TENM1: variants seen among roughly 807,000 people sequenced by gnomAD.
The protein encoded by TENM1 is teneurin-1.
Under a neutral mutation model 174.8 loss-of-function variants are expected in TENM1, and 35 were observed. That is an observed-to-expected ratio of 0.20 (90% CI 0.15 to 0.27). The LOEUF is 0.27. Ranked by LOEUF, TENM1 falls within the 10% of genes least tolerant of loss-of-function variation. TENM1 has a pLI of 1.00. For missense variants in TENM1, 1,633 were observed against 2,130.1 expected, an observed-to-expected ratio of 0.77 and a Z score of 4.59; for synonymous variants, 781 against 798.7, an observed-to-expected ratio of 0.98 and a Z score of 0.37.
rs1043071821 is a variant in TENM1, at chrX:124,423,963, T to C, written c.4105-1325A>G. Among the ~76,000 whole-genome samples the C allele has an allele frequency of 4.5e-5, 5 of 111,224 alleles. 1 individual carries two copies. Among genetic ancestry groups the C allele is most frequent in the Non-Finnish European group, 9.4e-5 (5 of 52,989 alleles). ...TCTAATCCAACAGGACTGATGTCTCTCCAATAAGAGGAAGAGATACCAGGA... is the reference window on the plus strand; with the variant it reads ...TCTAATCCAACAGGACTGATGTCTCCCCAATAAGAGGAAGAGATACCAGGA... On this transcript the variant is annotated intron_variant, in intron 23 of 31. Transcript: ENST00000422452.
chrX:124,892,432 C>A (rs1024096370), intron 3 of TENM1, among the ~76,000 whole-genome samples: 1 of 111,048 alleles, frequency 9.0e-6, no homozygotes, highest in South Asian at 3.8e-4. Flanking sequence ...TAAGGGCAAC[C>A]AAACAGAGTT....
the TENM1 span, among the ~76,000 whole-genome samples, chrX:125,103,305 C>A: frequency 3.5e-3 from 386 of 110,904 alleles, 2 homozygotes; most frequent in Non-Finnish European, 5.9e-3. Context: ...ATTAATTTGT[C>A]TTCAATATTA....
At chrX:124,902,390 C>A (rs1044433654) in intron 1 of TENM1, among the ~76,000 whole-genome samples, 2 of 112,156 alleles carry the variant, frequency 1.8e-5, no homozygotes, top group African/African-American at 6.5e-5. Context: ...GAATCTACAA[C>A]TTAAAATGTA....
intron 11 of TENM1, among the ~76,000 whole-genome samples, chrX:124,577,717 A>AC (rs2049202283): frequency 9.0e-6 from 1 of 111,650 alleles, no homozygotes; most frequent in Admixed American, 9.5e-5. Context: ...TAGTGAGGTT[A>AC]CAATGTACTG....
chrX:124,445,196 T>C (rs1033062083), intron 23 of TENM1, among the ~76,000 whole-genome samples: 1 of 111,677 alleles, frequency 9.0e-6, no homozygotes, highest in East Asian at 2.8e-4. Flanking sequence ...CAAGAAAGCC[T>C]GAACAGTTGC....
At chrX:125,174,580 C>T in the TENM1 span, among the ~76,000 whole-genome samples, 1 of 111,150 alleles carries the variant, frequency 9.0e-6, no homozygotes, top group Admixed American at 9.6e-5. Flanking sequence ...ATATATCTAC[C>T]AGACTCATGT....
At chrX:124,538,893 A>G (rs1320623374) in intron 15 of TENM1, among the ~76,000 whole-genome samples, 1 of 111,480 alleles carries the variant, frequency 9.0e-6, no homozygotes, top group Non-Finnish European at 1.9e-5. Flanking sequence ...TGGTTTCTCA[A>G]TATTTGATTT....
the TENM1 span, among the ~76,000 whole-genome samples, chrX:125,000,694 C>T: frequency 2.7e-5 from 3 of 111,547 alleles, no homozygotes; most frequent in Non-Finnish European, 3.8e-5. Flanking sequence ...GAAATGACCA[C>T]GTACATGTTG....
chrX:124,641,538 T>A lies in TENM1; in HGVS notation c.2077+253A>T, dbSNP rs1324514856. Among the ~76,000 whole-genome samples, 5 of 111,270 alleles carry A rather than the reference T, an allele frequency of 4.5e-5. No homozygotes were observed. The Admixed American group carries it at 4.8e-4, about 11-fold the overall frequency. ...TGACAGTAGGAGACTTGGGAATGTA[T>A]TAAATAACTGTAGGAGAATACAAAA... On this transcript the variant is annotated intron_variant, in intron 11 of 31. Transcript: ENST00000422452.
chrX:124,911,175 C>T (rs1000934716), intron 1 of TENM1, among the ~76,000 whole-genome samples: 2 of 111,432 alleles, frequency 1.8e-5, no homozygotes, highest in Non-Finnish European at 3.8e-5. Flanking sequence ...CTCCACCTCC[C>T]AAAGTGCTGG....
chrX:124,783,828 A>C (rs1196230447), intron 3 of TENM1, among the ~76,000 whole-genome samples: 2 of 112,520 alleles, frequency 1.8e-5, no homozygotes, highest in Non-Finnish European at 3.8e-5. Flanking sequence ...AATAGGGAAC[A>C]GAGTTTAGGC....
rs181822640 is a variant in TENM1, at chrX:124,543,829, C to T, written c.2651+3045G>A. On this transcript the variant is annotated intron_variant, in intron 15 of 31. Transcript: ENST00000422452. ...TTCACATTGTTGTTACACCATCACA[C>T]GGCACAGAACATACATATTCCATGG... is the stretch of plus-strand genomic sequence containing the variant. Among the ~76,000 whole-genome samples the T allele has an allele frequency of 6.4e-4, 72 of 112,458 alleles. 1 individual carries two copies. The highest frequency in any genetic ancestry group is 2.2e-3 in the African/African-American group (67 of 30,963).
the TENM1 span, among the ~76,000 whole-genome samples, chrX:125,090,136 G>A: frequency 9.0e-6 from 1 of 111,636 alleles, no homozygotes; most frequent in Non-Finnish European, 1.9e-5. Context: ...TCTTTCAAGT[G>A]TCTGGAATTG....
chrX:124,453,590 A>G, intron 22 of TENM1, 99 bp from the exon 26 acceptor site: 1 of 814,036 alleles, frequency 1.2e-6, no homozygotes, highest in Non-Finnish European at 1.7e-6. Flanking sequence ...AAGGCATTTT[A>G]AAGACATATA....
chrX:124,972,890 A>G, the TENM1 span, among the ~76,000 whole-genome samples: 2 of 111,918 alleles, frequency 1.8e-5, no homozygotes, highest in Non-Finnish European at 3.8e-5. Context: ...GTGCCATCTT[A>G]GTTTGTTTTG....
intron 21 of TENM1, among the ~76,000 whole-genome samples, chrX:124,484,446 C>T (rs2046910974): frequency 8.9e-6 from 1 of 111,945 alleles, no homozygotes; most frequent in African/African-American, 3.2e-5. Flanking sequence ...GGAGTATCTA[C>T]ATAAATTATT....
intron 2 of TENM1, 34 bp downstream of exon 5, chrX:124,895,947 G>C: frequency 8.3e-7 from 1 of 1,198,811 alleles, no homozygotes. Flanking sequence ...CATTCTTTCT[G>C]TGTTTTACTT....
intron 25 of TENM1, among the ~76,000 whole-genome samples, chrX:124,414,521 ACTTCCTTGTT>A (rs2060572862): frequency 9.3e-6 from 1 of 107,015 alleles, no homozygotes; most frequent in Non-Finnish European, 1.9e-5. Context: ...CTTGACAATC[ACTTCCTTGTT>A]AGCTGTTTCT....
At chrX:124,936,230 C>T (rs891892244) in intron 1 of TENM1, among the ~76,000 whole-genome samples, 4 of 111,927 alleles carry the variant, frequency 3.6e-5, no homozygotes, top group Non-Finnish European at 7.5e-5. Context: ...TTTTCTCTCC[C>T]TTTCTGCAAC....
Sources: gnomAD v4.1 joint callset for allele counts (sites outside exome capture counted in the v4.1 genomes callset) on GRCh38, gnomAD v4.1.1 for gene constraint, MANE v1.5 for transcripts, NCBI Gene and HGNC (gene_info 2026-07-23, HGNC 2026-07-21) for gene names.